The following TBC1D22B variants were observed in gnomAD, a reference collection of about 807,000 sequenced individuals.
TBC1D22B encodes the protein TBC1 domain family member 22B.
Under a neutral mutation model 69.1 loss-of-function variants are expected in TBC1D22B, and 32 were observed. The ratio of observed to expected loss-of-function variants is 0.46; its 90% CI spans 0.35 to 0.62. TBC1D22B has a LOEUF of 0.62. Ranked by LOEUF, TBC1D22B falls within the 20% of genes least tolerant of loss-of-function variation. TBC1D22B has a pLI of 0.00. For missense variants in TBC1D22B, 462 were observed against 630.9 expected, an observed-to-expected ratio of 0.73 and a Z score of 2.87; for synonymous variants, 206 against 229.8, an observed-to-expected ratio of 0.90 and a Z score of 0.94.
At chr6:37,310,131 T>C (rs993854434) in intron 8 of TBC1D22B, among the ~76,000 whole-genome samples, 3 of 146,990 alleles carry the variant, frequency 2.0e-5, no homozygotes, top group Admixed American at 6.8e-5. Context: ...TATAGCTTTA[T>C]ATATGTAAGT....
intron 12 of TBC1D22B, among the ~76,000 whole-genome samples, chr6:37,319,626 G>A (rs1189691130): frequency 1.3e-5 from 2 of 152,228 alleles, no homozygotes; most frequent in African/African-American, 2.4e-5. Context: ...GTCTGCTGCT[G>A]TATTAACACC....
chr6:37,274,904 T>C (rs1766612502), intron 2 of TBC1D22B, among the ~76,000 whole-genome samples: 1 of 152,134 alleles, frequency 6.6e-6, no homozygotes, highest in African/African-American at 2.4e-5. Flanking sequence ...ATACAAAAAT[T>C]AGCTGGGCGT....
intron 8 of TBC1D22B, among the ~76,000 whole-genome samples, chr6:37,307,273 G>T (rs11966913): frequency 2.0e-5 from 3 of 151,476 alleles, no homozygotes; most frequent in African/African-American, 7.3e-5. Flanking sequence ...GTTTTAAGAG[G>T]TTCTTTAGAT....
chr6:37,309,538 T>C (rs1211599444), intron 8 of TBC1D22B, among the ~76,000 whole-genome samples: 2 of 152,148 alleles, frequency 1.3e-5, no homozygotes, highest in East Asian at 3.8e-4. Context: ...TCCTTCCCTG[T>C]GGGTTTCACT....
intron 8 of TBC1D22B, among the ~76,000 whole-genome samples, chr6:37,311,460 C>T (rs1485126088): frequency 2.6e-5 from 4 of 151,882 alleles, no homozygotes; most frequent in Admixed American, 2.6e-4. Context: ...TCACTTGAGT[C>T]CAGGAGTTTG....
intron 2 of TBC1D22B, among the ~76,000 whole-genome samples, chr6:37,271,769 G>C (rs1012026711): frequency 1.3e-5 from 2 of 151,172 alleles, no homozygotes; most frequent in African/African-American, 4.9e-5. Context: ...TGTTCTTTTT[G>C]CGATTTGGTG....
At position 37,317,226 on chromosome 6, in the gene TBC1D22B, G is replaced by C. The variant is rs772771723; in HGVS notation, c.1389+20G>C. The C allele has an allele frequency of 2.6e-6, 4 of 1,553,034 alleles. No homozygotes were observed. Among genetic ancestry groups the C allele is most frequent in the Non-Finnish European group, 2.6e-6 (3 of 1,146,708 alleles). ...TTTCAGGTGAGTGGCCAAGAGCTTA[G>C]TGTGGGCAGGGAATGAACATTAGAA... On this transcript the variant is annotated intron_variant, in intron 12 of 12. Coordinates refer to ENST00000373491, the MANE Select transcript of TBC1D22B (RefSeq NM_017772.4).
At position 37,331,352 on chromosome 6, in the gene TBC1D22B, G is replaced by T; in HGVS notation, c.*180G>T. The T allele has an allele frequency of 1.7e-6, 1 of 593,992 alleles. No homozygotes were observed. Among genetic ancestry groups the T allele is most frequent in the South Asian group, 2.0e-5 (1 of 50,472 alleles). 36.8% of individuals were successfully genotyped at this position (593,992 alleles called of 1,614,324 possible). A position where few individuals can be genotyped will look rare whatever the true frequency, so the allele number is the denominator to read the frequency against. On this transcript the variant is annotated 3_prime_UTR_variant, in exon 13 of 13. Coordinates refer to ENST00000373491, the MANE Select transcript of TBC1D22B (RefSeq NM_017772.4). ...CTCCATGTCTCTGGATGTGTCACTT[G>T]GACCACTGTCAGTATTCCATGCCGC...
At chr6:37,295,205 A>G (rs1290364946) in intron 8 of TBC1D22B, among the ~76,000 whole-genome samples, 1 of 152,110 alleles carries the variant, frequency 6.6e-6, no homozygotes, top group African/African-American at 2.4e-5. Flanking sequence ...CCTGGGCTCA[A>G]GTGATCCTAC....
At chr6:37,295,620 T>TA in intron 8 of TBC1D22B, 1 of 433,708 alleles carries the variant, frequency 2.3e-6, no homozygotes, top group Non-Finnish European at 4.7e-6. Context: ...CAGTTGAGTT[T>TA]ACTATTATCA....
chr6:37,269,206 G>T (rs1229196628), intron 1 of TBC1D22B, among the ~76,000 whole-genome samples: 2 of 152,040 alleles, frequency 1.3e-5, no homozygotes, highest in East Asian at 1.9e-4. Flanking sequence ...TTTCAATTAG[G>T]CAATATTCCC....
At chr6:37,289,530 C>G (rs144948853) in intron 7 of TBC1D22B, among the ~76,000 whole-genome samples, 145 of 152,308 alleles carry the variant, frequency 9.5e-4, no homozygotes, top group Admixed American at 1.8e-3. Context: ...GATCACAGGT[C>G]TCCTGATTCT....
chr6:37,328,764 TC>T (rs1182702528), intron 12 of TBC1D22B, among the ~76,000 whole-genome samples: 1 of 152,182 alleles, frequency 6.6e-6, no homozygotes. Flanking sequence ...CAGAGTAGCT[TC>T]ACCCAGGCTG....
chr6:37,279,156 G>A, intron 2 of TBC1D22B, 148 bp from the exon 3 acceptor site: 1 of 679,648 alleles, frequency 1.5e-6, no homozygotes, highest in Non-Finnish European at 2.4e-6. Flanking sequence ...GTATCTAGAT[G>A]AAGAATGGAT....
chr6:37,269,488 C>A, intron 1 of TBC1D22B, 106 bp from the exon 2 acceptor site: 1 of 1,001,584 alleles, frequency 1.0e-6, no homozygotes, highest in Non-Finnish European at 1.6e-6. Context: ...TAGAGATAAC[C>A]TATTTATCAA....
At chr6:37,263,183 T>C (rs1398033944) in intron 1 of TBC1D22B, among the ~76,000 whole-genome samples, 1 of 152,242 alleles carries the variant, frequency 6.6e-6, no homozygotes, top group African/African-American at 2.4e-5. Context: ...CAGAAAAAGA[T>C]ATGGCACCAC....
At chr6:37,304,621 G>T (rs1312502445) in intron 8 of TBC1D22B, among the ~76,000 whole-genome samples, 7 of 152,188 alleles carry the variant, frequency 4.6e-5, no homozygotes, top group African/African-American at 1.7e-4. Context: ...TTTACCTATG[G>T]TGGGAGGTGG....
intron 8 of TBC1D22B, chr6:37,295,542 C>A: frequency 2.7e-6 from 1 of 375,886 alleles, no homozygotes; most frequent in South Asian, 2.4e-5. Flanking sequence ...ATAACTTCTG[C>A]TGGCATGTCT....
chr6:37,304,827 A>G (rs1357021421), intron 8 of TBC1D22B, among the ~76,000 whole-genome samples: 3 of 152,234 alleles, frequency 2.0e-5, no homozygotes, highest in Non-Finnish European at 4.4e-5. Context: ...GGTGGGCAGA[A>G]ACAGACAATC....
Sources: gnomAD v4.1 joint callset for allele counts (sites outside exome capture counted in the v4.1 genomes callset) on GRCh38, gnomAD v4.1.1 for gene constraint, MANE v1.5 for transcripts, NCBI Gene and HGNC (gene_info 2026-07-23, HGNC 2026-07-21) for gene names.